The following PDE1A variants were observed in gnomAD, a reference collection of about 807,000 sequenced individuals.
The protein encoded by PDE1A is dual specificity calcium/calmodulin-dependent 3',5'-cyclic nucleotide phosphodiesterase 1A.
In PDE1A, 35 loss-of-function variants were observed where a neutral mutation model predicts 61.7. The observed-to-expected ratio is 0.57, with a 90% CI of 0.43 to 0.75. The LOEUF is 0.75. Among genes scored for constraint, PDE1A ranks in the 30% least tolerant of loss-of-function variants. PDE1A has a pLI of 0.00. For missense variants in PDE1A, 597 were observed against 630.6 expected (o/e 0.95, Z 0.57); for synonymous variants, 232 against 213.2 (o/e 1.09, Z -0.77).
rs73975009 is a variant in PDE1A, at chr2:182,331,162, A to G, written c.54-66748T>C. Among the ~76,000 whole-genome samples, 570 of 152,332 alleles carry G rather than the reference A, an allele frequency of 3.7e-3. 3 individuals carry two copies. The highest frequency in any genetic ancestry group is 0.013 in the African/African-American group (533 of 41,582). ...GGCTTAGTCACTTAGCTGAGATCAC[A>G]CAGTTAGGGAGTGGATGACTATAAA... On this transcript the variant is annotated intron_variant, in intron 1 of 13. Transcript: ENST00000351439.
chr2:182,289,881 A>G (rs187296577), intron 1 of PDE1A, among the ~76,000 whole-genome samples: 14 of 152,238 alleles, frequency 9.2e-5, no homozygotes, highest in Admixed American at 2.0e-4. Context: ...AAAAATAACT[A>G]GAAATGTAAT....
chr2:182,603,411 G>C, the PDE1A span, among the ~76,000 whole-genome samples: 1 of 151,948 alleles, frequency 6.6e-6, no homozygotes, highest in African/African-American at 2.4e-5. Flanking sequence ...CAGTGGCGCC[G>C]TCTCAGTTCA....
At chr2:182,662,089 C>T in the PDE1A span, among the ~76,000 whole-genome samples, 1 of 151,654 alleles carries the variant, frequency 6.6e-6, no homozygotes, top group African/African-American at 2.4e-5. Flanking sequence ...GGGGCTTACC[C>T]TACCTAACAT....
the PDE1A span, among the ~76,000 whole-genome samples, chr2:182,642,375 T>G: frequency 4.5e-4 from 69 of 152,298 alleles, 2 homozygotes; most frequent in Non-Finnish European, 7.8e-4. Context: ...GGCTCTGCTT[T>G]CCACTGCTTT....
the PDE1A span, among the ~76,000 whole-genome samples, chr2:182,686,218 ATATAAT>A: frequency 2.0e-5 from 3 of 152,170 alleles, no homozygotes; most frequent in African/African-American, 7.2e-5. Flanking sequence ...AAATCTATTA[ATATAAT>A]TATATGATTT....
intron 2 of PDE1A, among the ~76,000 whole-genome samples, chr2:182,438,752 G>T (rs971165108): frequency 2.0e-5 from 3 of 151,910 alleles, no homozygotes; most frequent in African/African-American, 7.2e-5. Flanking sequence ...AAATTATAGA[G>T]ACCAAATTAT....
the PDE1A span, among the ~76,000 whole-genome samples, chr2:182,671,061 G>A: frequency 1.5e-4 from 23 of 152,084 alleles, no homozygotes; most frequent in African/African-American, 4.8e-4. Context: ...CAAGTGATCC[G>A]CCCACCTTGG....
chr2:182,480,704 C>T lies in PDE1A; in HGVS notation c.101+41572G>A, dbSNP rs114335543. Among the ~76,000 whole-genome samples the T allele has an allele frequency of 9.7e-3, 1,475 of 151,976 alleles. 33 individuals carry two copies. The highest frequency in any genetic ancestry group is 0.034 in the African/African-American group (1,391 of 41,494). On this transcript the variant is annotated intron_variant, in intron 2 of 14. Transcript: ENST00000410103. ...GCAAATACTATGACACTTTATATAACGGACTTGAGCATCTTCTGAGGTTCT... is the reference window on the plus strand; with the variant it reads ...GCAAATACTATGACACTTTATATAATGGACTTGAGCATCTTCTGAGGTTCT...
At chr2:182,496,128 A>C (rs973473069) in intron 2 of PDE1A, among the ~76,000 whole-genome samples, 10 of 152,268 alleles carry the variant, frequency 6.6e-5, no homozygotes, top group African/African-American at 2.4e-4. Context: ...TTATTTTTTT[A>C]TCTCTTAAGT....
intron 2 of PDE1A, among the ~76,000 whole-genome samples, chr2:182,498,736 A>G (rs980817380): frequency 6.6e-6 from 1 of 151,930 alleles, no homozygotes; most frequent in Admixed American, 6.6e-5. Context: ...TGAGGTTAGG[A>G]GATCGAGACC....
chr2:182,565,170 C>T, the PDE1A span, among the ~76,000 whole-genome samples: 103 of 152,248 alleles, frequency 6.8e-4, no homozygotes, highest in African/African-American at 2.4e-3. Context: ...TGTTCTTTCC[C>T]CATCTTTGTG....
At chr2:182,361,961 A>G (rs1223061749) in intron 1 of PDE1A, among the ~76,000 whole-genome samples, 1 of 152,054 alleles carries the variant, frequency 6.6e-6, no homozygotes, top group Non-Finnish European at 1.5e-5. Context: ...AACAGTTTCA[A>G]CTGCAGGTCA....
rs187421559 is a variant in PDE1A, at chr2:182,301,287, T to A, written c.54-36873A>T. 2.6e-5 allele frequency among the ~76,000 whole-genome samples: 4 copies of A among 152,318 alleles called. No homozygotes were observed. In the East Asian group the frequency reaches 7.7e-4, roughly 29 times the overall value. ...AGGCACAAGTAAACAAACCAGTCTGTGGATGGCACTGTTACTCTGTGAGAT... is the reference window on the plus strand; with the variant it reads ...AGGCACAAGTAAACAAACCAGTCTGAGGATGGCACTGTTACTCTGTGAGAT... On this transcript the variant is annotated intron_variant, in intron 1 of 13. Transcript: ENST00000351439.
chr2:182,231,959 C>G (rs972039425), intron 4 of PDE1A, among the ~76,000 whole-genome samples: 1 of 151,890 alleles, frequency 6.6e-6, no homozygotes, highest in African/African-American at 2.4e-5. Flanking sequence ...AATATCATAG[C>G]GAGATAGAGT....
At chr2:182,200,949 C>A (rs923672829) in intron 10 of PDE1A, among the ~76,000 whole-genome samples, 4 of 152,182 alleles carry the variant, frequency 2.6e-5, no homozygotes, top group Admixed American at 6.5e-5. Flanking sequence ...CAGTCACAAT[C>A]CTTATCCGGG....
chr2:182,559,052 G>C, the PDE1A span, among the ~76,000 whole-genome samples: 1 of 152,142 alleles, frequency 6.6e-6, no homozygotes, highest in African/African-American at 2.4e-5. Flanking sequence ...CTCAAACTTT[G>C]AGAATACCTC....
intron 2 of PDE1A, chr2:182,463,458 T>G (rs1286275633): frequency 6.6e-6 from 1 of 152,072 alleles, no homozygotes; most frequent in African/African-American, 2.4e-5. Flanking sequence ...GCAAGCCCAC[T>G]CTGATTTAAA....
At chr2:182,202,257 G>A (rs2125478179) in intron 8 of PDE1A, among the ~76,000 whole-genome samples, 1 of 152,264 alleles carries the variant, frequency 6.6e-6, no homozygotes, top group South Asian at 2.1e-4. Context: ...TCAGAGAAGA[G>A]ACAGAGATAA....
chr2:182,638,746 A>G, the PDE1A span, among the ~76,000 whole-genome samples: 7 of 152,354 alleles, frequency 4.6e-5, no homozygotes, highest in East Asian at 1.9e-4. Flanking sequence ...CAGAAGCAGT[A>G]AAAAGAAAAG....
Sources: gnomAD v4.1 joint callset for allele counts (sites outside exome capture counted in the v4.1 genomes callset) on GRCh38, gnomAD v4.1.1 for gene constraint, MANE v1.5 for transcripts, NCBI Gene and HGNC (gene_info 2026-07-23, HGNC 2026-07-21) for gene names.